KCNH7: variants seen among roughly 807,000 people sequenced by gnomAD.
The protein encoded by KCNH7 is potassium voltage-gated channel subfamily H member 7.
Under a neutral mutation model 120.8 loss-of-function variants are expected in KCNH7, and 49 were observed. The observed-to-expected ratio is 0.41, with a 90% CI of 0.32 to 0.51. The LOEUF is 0.51. Ranked by LOEUF, KCNH7 falls within the 20% of genes least tolerant of loss-of-function variation. The probability of loss-of-function intolerance (pLI) is 0.38; values close to 1 mark genes in which losing one functional copy is unlikely to be tolerated. For missense variants in KCNH7, 1,097 were observed against 1,446.6 expected, an observed-to-expected ratio of 0.76 and a Z score of 3.92; for synonymous variants, 547 against 516.1, an observed-to-expected ratio of 1.06 and a Z score of -0.81.
intron 2 of KCNH7, among the ~76,000 whole-genome samples, chr2:162,548,595 A>G (rs925232060): frequency 2.0e-5 from 3 of 152,066 alleles, no homozygotes; most frequent in African/African-American, 7.2e-5. Context: ...ACCCAGCAGC[A>G]CACATTTATC....
chr2:162,654,174 C>T (rs1574225715), intron 2 of KCNH7, among the ~76,000 whole-genome samples: 1 of 148,064 alleles, frequency 6.8e-6, no homozygotes, highest in Non-Finnish European at 1.5e-5. Context: ...AAAGCTCATA[C>T]ATAACAAAGG....
chr2:162,827,094 G>A (rs184193114), intron 2 of KCNH7, among the ~76,000 whole-genome samples: 1 of 152,216 alleles, frequency 6.6e-6, no homozygotes, highest in African/African-American at 2.4e-5. Context: ...ATAGTAGGCT[G>A]TGTAACAGGA....
At chr2:162,456,085 T>C (rs1213659834) in intron 6 of KCNH7, among the ~76,000 whole-genome samples, 1 of 152,142 alleles carries the variant, frequency 6.6e-6, no homozygotes, top group Non-Finnish European at 1.5e-5. Context: ...GTGCTATAAA[T>C]TTCCCTCTTA....
In KCNH7 at chr2:162,649,253, T is replaced by C. The variant is rs188088012; in HGVS notation, c.308-112173A>G. Among the ~76,000 whole-genome samples, 325 of 152,336 alleles carry C rather than the reference T, an allele frequency of 2.1e-3. 1 individual carries two copies. Among genetic ancestry groups the C allele is most frequent in the Non-Finnish European group, 3.8e-3 (256 of 68,020 alleles). ...GAAATAACATGCACCAAAACCTTTT[T>C]TTTGTATGCTGAAGATTTCCTTAAG... is the stretch of plus-strand genomic sequence containing the variant. On this transcript the variant is annotated intron_variant, in intron 2 of 15. Coordinates refer to ENST00000332142, the MANE Select transcript of KCNH7 (RefSeq NM_033272.4).
chr2:162,832,345 A>T (rs1685507869), intron 2 of KCNH7, among the ~76,000 whole-genome samples: 1 of 152,184 alleles, frequency 6.6e-6, no homozygotes, highest in South Asian at 2.1e-4. Context: ...TAAAGCTATT[A>T]TGAAATTTTG....
intron 2 of KCNH7, among the ~76,000 whole-genome samples, chr2:162,829,715 A>C (rs1442309121): frequency 6.6e-6 from 1 of 152,110 alleles, no homozygotes; most frequent in Non-Finnish European, 1.5e-5. Context: ...TAAACAAAAC[A>C]TATAGCCATT....
intron 12 of KCNH7, among the ~76,000 whole-genome samples, chr2:162,390,163 G>A (rs955936298): frequency 6.6e-6 from 1 of 151,734 alleles, no homozygotes; most frequent in Admixed American, 6.6e-5. Flanking sequence ...AAAGCGTTGA[G>A]CAGAACACTG....
intron 5 of KCNH7, among the ~76,000 whole-genome samples, chr2:162,511,676 A>T (rs1488947477): frequency 6.6e-6 from 1 of 151,670 alleles, no homozygotes; most frequent in Non-Finnish European, 1.5e-5. Flanking sequence ...AGCGCTATTA[A>T]TTCATAACCA....
chr2:162,571,956 T>C (rs1360650813), intron 2 of KCNH7, among the ~76,000 whole-genome samples: 2 of 151,534 alleles, frequency 1.3e-5, no homozygotes, highest in Admixed American at 6.6e-5. Context: ...GAAGAAAACC[T>C]AGGCATTACC....
chr2:162,822,520 A>G (rs1362604025), intron 2 of KCNH7, among the ~76,000 whole-genome samples: 1 of 152,216 alleles, frequency 6.6e-6, no homozygotes, highest in African/African-American at 2.4e-5. Flanking sequence ...AGTGTTCACA[A>G]TATGAAACAT....
intron 2 of KCNH7, among the ~76,000 whole-genome samples, chr2:162,597,628 C>A (rs1387538762): frequency 1.3e-5 from 2 of 151,962 alleles, no homozygotes; most frequent in African/African-American, 4.8e-5. Context: ...TGATCTATTG[C>A]ACAGCAAGGT....
intron 2 of KCNH7, among the ~76,000 whole-genome samples, chr2:162,753,698 T>C (rs1443451459): frequency 6.6e-6 from 1 of 152,190 alleles, no homozygotes; most frequent in Non-Finnish European, 1.5e-5. Flanking sequence ...CAGATGGGAT[T>C]ATTTCATTTT....
At chr2:162,695,715 C>A (rs1294468115) in intron 2 of KCNH7, among the ~76,000 whole-genome samples, 4 of 152,096 alleles carry the variant, frequency 2.6e-5, no homozygotes, top group Non-Finnish European at 5.9e-5. Flanking sequence ...GCAGAAGGGG[C>A]AGCAGCGGTT....
At chr2:162,577,356 T>TC (rs766088685) in intron 2 of KCNH7, among the ~76,000 whole-genome samples, 2,411 of 62,768 alleles carry the variant, frequency 0.038, 32 homozygotes, top group Non-Finnish European at 0.051. Flanking sequence ...ATCCTATCTA[T>TC]CTATCTATCT....
At chr2:162,577,353 CT>C (rs879653011) in intron 2 of KCNH7, among the ~76,000 whole-genome samples, 1,587 of 44,254 alleles carry the variant, frequency 0.036, 15 homozygotes, top group Non-Finnish European at 0.054. Flanking sequence ...TCCATCCTAT[CT>C]ATCTATCTAT....
At chr2:162,466,012 G>A (rs1024736137) in intron 6 of KCNH7, among the ~76,000 whole-genome samples, 5 of 152,132 alleles carry the variant, frequency 3.3e-5, no homozygotes, top group Admixed American at 2.0e-4. Flanking sequence ...TCTGTGTACT[G>A]CCTTATCTCT....
At chr2:162,728,201 G>A (rs538990975) in intron 2 of KCNH7, among the ~76,000 whole-genome samples, 40 of 150,820 alleles carry the variant, frequency 2.7e-4, no homozygotes, top group East Asian at 7.8e-4. Flanking sequence ...ATTCTAAAAC[G>A]TAAGTAGTGG....
chr2:162,691,765 A>G (rs1194861005), intron 2 of KCNH7, among the ~76,000 whole-genome samples: 2 of 152,156 alleles, frequency 1.3e-5, no homozygotes, highest in African/African-American at 4.8e-5. Context: ...TAGCAAACCA[A>G]GACTACTTGC....
chr2:162,470,426 C>A (rs891628165), intron 6 of KCNH7, among the ~76,000 whole-genome samples: 6 of 145,576 alleles, frequency 4.1e-5, no homozygotes, highest in African/African-American at 7.4e-5. Context: ...AGACCCTACG[C>A]CCGGCAGCCG....
Sources: gnomAD v4.1 joint callset for allele counts (sites outside exome capture counted in the v4.1 genomes callset) on GRCh38, gnomAD v4.1.1 for gene constraint, MANE v1.5 for transcripts, NCBI Gene and HGNC (gene_info 2026-07-23, HGNC 2026-07-21) for gene names.